The following HGF variants were observed in gnomAD, a reference collection of about 807,000 sequenced individuals.
HGF encodes the protein fibroblast-derived tumor cytotoxic factor.
Under a neutral mutation model 111.6 loss-of-function variants are expected in HGF, and 39 were observed. That is an observed-to-expected ratio of 0.35 (90% CI 0.27 to 0.46). The LOEUF (loss-of-function observed/expected upper bound fraction) is 0.46, where lower values mean the gene tolerates loss of function less well. Ranked by LOEUF, HGF falls within the 20% of genes least tolerant of loss-of-function variation. HGF has a pLI of 1.00. For missense variants in HGF, 735 were observed against 910.5 expected (o/e 0.81, Z 2.48); for synonymous variants, 285 against 294.8 (o/e 0.97, Z 0.34).
chr7:81,757,340 C>T (rs777634868), intron 3 of HGF, 37 bp from the exon 4 acceptor site: 5 of 1,061,882 alleles, frequency 4.7e-6, no homozygotes, highest in Non-Finnish European at 7.4e-6. Flanking sequence ...TGCAACTATG[C>T]AAAACATATG....
chr7:81,749,051 T>A (rs989062717), intron 5 of HGF, among the ~76,000 whole-genome samples: 2 of 152,172 alleles, frequency 1.3e-5, no homozygotes, highest in African/African-American at 4.8e-5. Flanking sequence ...CAAAACTGAA[T>A]GTTTAAAATA....
At chr7:81,734,948 C>T (rs149761953) in intron 7 of HGF, among the ~76,000 whole-genome samples, 2 of 152,186 alleles carry the variant, frequency 1.3e-5, no homozygotes, top group African/African-American at 4.8e-5. Flanking sequence ...GACAAATACC[C>T]GATAACCTCC....
rs541971729 is a variant in HGF at position 81,768,530 on chromosome 7, C to T, written c.88+1354G>A. Among the ~76,000 whole-genome samples, 15 of 152,210 alleles carry T rather than the reference C, an allele frequency of 9.9e-5. 1 individual carries two copies. In the South Asian group the frequency reaches 3.1e-3, roughly 32 times the overall value. On this transcript the variant is annotated intron_variant, in intron 1 of 17. Transcript: ENST00000222390. ...AAGTAGGTGGGACTACAGGTGCCTG[C>T]CACCACGCCTGGCTAATTTTTTGTA...
intron 9 of HGF, among the ~76,000 whole-genome samples, chr7:81,722,210 G>T (rs1018494852): frequency 4.6e-5 from 7 of 151,802 alleles, no homozygotes; most frequent in African/African-American, 2.4e-5. Flanking sequence ...TGACTCCTGG[G>T]TCTCTTACTA....
chr7:81,758,899 A>G, intron 2 of HGF, 95 bp from the exon 3 acceptor site: 1 of 777,600 alleles, frequency 1.3e-6, no homozygotes, highest in South Asian at 1.5e-5. Context: ...GGGCATATGG[A>G]CAATATAGAA....
In HGF at chr7:81,734,272, C is replaced by A. The variant is rs1472331860; in HGVS notation, c.866-4493G>T. 2.0e-5 allele frequency among the ~76,000 whole-genome samples: 3 copies of A among 152,192 alleles called. No individual in the cohort carries two copies. The East Asian group carries it at 5.8e-4, about 29-fold the overall frequency. ...GCCAGGGGTATCAGCAGTGGCTACC[C>A]ATTGGAAGCAGAAGCAAAGGTATTT... On this transcript the variant is annotated intron_variant, in intron 7 of 17. Transcript: ENST00000222390.
At chr7:81,706,644 T>C (rs1789435644) in intron 14 of HGF, among the ~76,000 whole-genome samples, 1 of 152,026 alleles carries the variant, frequency 6.6e-6, no homozygotes, top group Non-Finnish European at 1.5e-5. Flanking sequence ...AGATTCTAAA[T>C]GACTATTTTA....
chr7:81,717,150 C>T (rs1211478308), intron 11 of HGF, 82 bp downstream of exon 11: 2 of 1,396,372 alleles, frequency 1.4e-6, no homozygotes, highest in Non-Finnish European at 2.0e-6. Context: ...AATGCCAGAC[C>T]ACCTATATTA....
intron 7 of HGF, chr7:81,736,816 G>A (rs769260849): frequency 6.8e-5 from 30 of 441,962 alleles, no homozygotes; most frequent in Middle Eastern, 3.4e-4. Flanking sequence ...ATAGATAGGC[G>A]GTAACAGATG....
At chr7:81,767,881 T>G (rs1222627067) in intron 1 of HGF, among the ~76,000 whole-genome samples, 3 of 152,074 alleles carry the variant, frequency 2.0e-5, no homozygotes, top group African/African-American at 4.8e-5. Context: ...AGAACAAACT[T>G]TGTGTGTTCT....
chr7:81,756,166 T>A (rs1788761408), intron 4 of HGF: 2 of 619,066 alleles, frequency 3.2e-6, no homozygotes, highest in African/African-American at 3.7e-5. Context: ...ACTGGGCTTA[T>A]ATTCTGGCCA....
chr7:81,717,102 G>A (rs1789732590), intron 11 of HGF, 130 bp downstream of exon 11: 2 of 801,678 alleles, frequency 2.5e-6, no homozygotes, highest in East Asian at 5.1e-5. Context: ...GTACATTTGT[G>A]TGTGTTGCTC....
chr7:81,742,935 G>A (rs1412448874), intron 7 of HGF: 7 of 1,613,238 alleles, frequency 4.3e-6, no homozygotes, highest in South Asian at 1.1e-5. Flanking sequence ...TCAGTTGAGA[G>A]CCCATGTTAT....
At chr7:81,736,034 G>A (rs1383913612) in intron 7 of HGF, among the ~76,000 whole-genome samples, 2 of 151,922 alleles carry the variant, frequency 1.3e-5, no homozygotes, top group East Asian at 3.9e-4. Context: ...TCAACATATG[G>A]ATTTGGTGGG....
chr7:81,709,785 C>T (rs544147870), intron 13 of HGF, among the ~76,000 whole-genome samples: 1 of 151,772 alleles, frequency 6.6e-6, no homozygotes, highest in Non-Finnish European at 1.5e-5. Context: ...GAAAATAAAC[C>T]CATAATATCC....
intron 17 of HGF, among the ~76,000 whole-genome samples, chr7:81,704,146 C>A (rs749801327): frequency 3.3e-5 from 5 of 151,548 alleles, no homozygotes; most frequent in African/African-American, 1.2e-4. Flanking sequence ...TGAGAAGTGG[C>A]GGAATCTACT....
intron 4 of HGF, among the ~76,000 whole-genome samples, chr7:81,754,837 C>T (rs1442827420): frequency 6.6e-6 from 1 of 152,022 alleles, no homozygotes; most frequent in Non-Finnish European, 1.5e-5. Flanking sequence ...GTTCATTCAA[C>T]AAGTGTTTAT....
chr7:81,746,471 G>T (rs10234118), intron 5 of HGF, among the ~76,000 whole-genome samples: 1,634 of 152,244 alleles, frequency 0.011, 33 homozygotes, highest in African/African-American at 0.037. Context: ...GTTCATTTAG[G>T]TATCTCTCTC....
At chr7:81,745,660 T>G (rs1009045820) in intron 5 of HGF, among the ~76,000 whole-genome samples, 1 of 152,214 alleles carries the variant, frequency 6.6e-6, no homozygotes. Flanking sequence ...ATACGGATAT[T>G]TTTAAAAAAT....
Sources: allele counts gnomAD v4.1 joint callset (sites outside exome capture counted in the v4.1 genomes callset), GRCh38; gene constraint gnomAD v4.1.1; transcripts MANE v1.5; gene names NCBI Gene and HGNC (gene_info 2026-07-23, HGNC 2026-07-21).